The following CDKAL1 variants were observed in gnomAD, a reference collection of about 807,000 sequenced individuals.
CDKAL1 encodes the protein threonylcarbamoyladenosine tRNA methylthiotransferase.
CDKAL1 carries 32 observed loss-of-function variants against 68.2 expected under a neutral mutation model. The observed-to-expected ratio is 0.47, with a 90% CI of 0.35 to 0.63. The LOEUF is 0.63. Among genes scored for constraint, CDKAL1 ranks in the 30% least tolerant of loss-of-function variants. The pLI is 0.00. For synonymous variants in CDKAL1, 234 were observed against 244.3 expected (o/e 0.96, Z 0.39); for missense variants, 606 against 696.7 (o/e 0.87, Z 1.47).
At chr6:20,840,750 G>GT (rs1299942188) in intron 8 of CDKAL1, among the ~76,000 whole-genome samples, 3 of 152,162 alleles carry the variant, frequency 2.0e-5, no homozygotes, top group African/African-American at 7.2e-5. Flanking sequence ...GTTGGTATGA[G>GT]TATCTCCTGT....
intron 12 of CDKAL1, among the ~76,000 whole-genome samples, chr6:21,077,197 A>G (rs908447346): frequency 6.6e-6 from 1 of 152,172 alleles, no homozygotes; most frequent in Non-Finnish European, 1.5e-5. Context: ...TATGTTATCT[A>G]CATTTCCCAT....
At position 20,660,607 on chromosome 6, in the gene CDKAL1, C is replaced by G. The variant is rs560642591; in HGVS notation, c.371+11230C>G. On this transcript the variant is annotated intron_variant, in intron 5 of 15. Transcript: ENST00000274695. Reference sequence around the variant, plus strand: ...TGCTCCTCACTATCCTAAATGAGCTCCGGGCCAGCTTCAGGGCTGTGGCCA... The same window carrying G: ...TGCTCCTCACTATCCTAAATGAGCTGCGGGCCAGCTTCAGGGCTGTGGCCA... Among the ~76,000 whole-genome samples, 10 of 152,250 alleles carry G rather than the reference C, an allele frequency of 6.6e-5. No homozygotes were observed. The South Asian group carries it at 2.1e-3, about 32-fold the overall frequency.
At chr6:20,666,847 A>G (rs1201649821) in intron 5 of CDKAL1, among the ~76,000 whole-genome samples, 3 of 152,066 alleles carry the variant, frequency 2.0e-5, no homozygotes, top group Non-Finnish European at 4.4e-5. Flanking sequence ...TTTAATTAAT[A>G]TTTAGCTCTT....
At chr6:20,614,722 A>G (rs1304745719) in intron 4 of CDKAL1, among the ~76,000 whole-genome samples, 2 of 152,312 alleles carry the variant, frequency 1.3e-5, no homozygotes, top group East Asian at 3.9e-4. Flanking sequence ...TTTGCCTCTT[A>G]GTAGTTCTGC....
At chr6:21,128,188 C>A (rs975619860) in intron 13 of CDKAL1, among the ~76,000 whole-genome samples, 3 of 152,180 alleles carry the variant, frequency 2.0e-5, no homozygotes, top group African/African-American at 7.2e-5. Flanking sequence ...GTACACAATT[C>A]AATAAATTAC....
Position 20,539,332 on chromosome 6 carries a change from G to C in CDKAL1, c.-6+3938G>C, listed in dbSNP as rs1763298450. Among the ~76,000 whole-genome samples, 1 of 152,158 alleles carries C rather than the reference G, an allele frequency of 6.6e-6. No homozygotes were observed. Among genetic ancestry groups the C allele is most frequent in the Non-Finnish European group, 1.5e-5 (1 of 68,030 alleles). Reference sequence around the variant, plus strand: ...GTGCTAGACATAGTTCTAGGCACCTGGGATAAAACAGTGAACACCTCACAC... The same window carrying C: ...GTGCTAGACATAGTTCTAGGCACCTCGGATAAAACAGTGAACACCTCACAC... On this transcript the variant is annotated intron_variant, in intron 2 of 15. Coordinates refer to ENST00000274695, the MANE Select transcript of CDKAL1 (RefSeq NM_017774.3). This position sits in a 1 kb window ranked among gnomAD's most constrained non-coding sequence, Gnocchi z 4.3.
At chr6:20,659,294 TATTTTA>T (rs1241101087) in intron 5 of CDKAL1, among the ~76,000 whole-genome samples, 1 of 152,232 alleles carries the variant, frequency 6.6e-6, no homozygotes, top group Non-Finnish European at 1.5e-5. Flanking sequence ...TAAACTTAGA[TATTTTA>T]ATTTTAACTC....
At chr6:21,065,381 TG>T (rs1215509553) in intron 12 of CDKAL1, among the ~76,000 whole-genome samples, 153 bp downstream of exon 12, 1 of 152,144 alleles carries the variant, frequency 6.6e-6, no homozygotes, top group Non-Finnish European at 1.5e-5. Context: ...CAGGGGGCCG[TG>T]GATGAGTTAA....
intron 9 of CDKAL1, among the ~76,000 whole-genome samples, chr6:20,907,904 G>A (rs1762302085): frequency 6.6e-6 from 1 of 152,188 alleles, no homozygotes; most frequent in Non-Finnish European, 1.5e-5. Flanking sequence ...AGGGTCCACT[G>A]GGGCAGAAGA....
At chr6:20,576,702 A>C (rs1220148136) in intron 4 of CDKAL1, among the ~76,000 whole-genome samples, 1 of 152,088 alleles carries the variant, frequency 6.6e-6, no homozygotes, top group Non-Finnish European at 1.5e-5. Context: ...GCTAGTCCTT[A>C]TCATAGAACC....
At chr6:20,803,316 A>G (rs1776441538) in intron 8 of CDKAL1, among the ~76,000 whole-genome samples, 1 of 152,136 alleles carries the variant, frequency 6.6e-6, no homozygotes, top group East Asian at 1.9e-4. Context: ...CTGTCTCAAC[A>G]TACCATTCTG....
chr6:20,891,879 C>T (rs1422971062), intron 9 of CDKAL1, among the ~76,000 whole-genome samples: 1 of 152,158 alleles, frequency 6.6e-6, no homozygotes, highest in African/African-American at 2.4e-5. Context: ...CTGCTTTTCT[C>T]ATGGTCATCT....
intron 9 of CDKAL1, among the ~76,000 whole-genome samples, chr6:20,881,762 C>G (rs868761627): frequency 1.3e-5 from 2 of 152,050 alleles, no homozygotes; most frequent in Non-Finnish European, 2.9e-5. Flanking sequence ...TGTCTATACT[C>G]TTTGTTTTTA....
At chr6:21,026,985 C>T (rs1768996841) in intron 11 of CDKAL1, among the ~76,000 whole-genome samples, 2 of 152,162 alleles carry the variant, frequency 1.3e-5, no homozygotes, top group Admixed American at 6.6e-5. Flanking sequence ...ATTCTCTAAT[C>T]TTCTGGCTTC....
At chr6:20,648,764 A>G (rs1428805040) in intron 4 of CDKAL1, among the ~76,000 whole-genome samples, 1 of 152,230 alleles carries the variant, frequency 6.6e-6, no homozygotes, top group South Asian at 2.1e-4. Context: ...GGTTTGGATT[A>G]TTTGTTGCAT....
At chr6:21,119,433 G>A (rs1345737236) in intron 13 of CDKAL1, among the ~76,000 whole-genome samples, 3 of 152,186 alleles carry the variant, frequency 2.0e-5, no homozygotes, top group Admixed American at 6.5e-5. Flanking sequence ...TAGAATTTAA[G>A]TAGGGATTTT....
intron 9 of CDKAL1, among the ~76,000 whole-genome samples, chr6:20,943,615 T>C (rs1286498135): frequency 6.6e-6 from 1 of 152,098 alleles, no homozygotes; most frequent in Non-Finnish European, 1.5e-5. Flanking sequence ...CAAGTTCATC[T>C]CTAGAAGTTC....
Position 20,814,406 on chromosome 6 carries a change from C to T in CDKAL1, c.639-31669C>T, listed in dbSNP as rs376114777. ...TATGACTTTTATGCCTCTAGTGATC[C>T]GCTTCTGGGACTATAGGCACTTGCC... On this transcript the variant is annotated intron_variant, in intron 8 of 15. Coordinates refer to ENST00000274695, the MANE Select transcript of CDKAL1 (RefSeq NM_017774.3). Among the ~76,000 whole-genome samples, 77 of 152,160 alleles carry T rather than the reference C, an allele frequency of 5.1e-4. No individual in the cohort carries two copies. In the East Asian group the frequency reaches 0.013, roughly 25 times the overall value.
chr6:20,580,159 T>G (rs890317787), intron 4 of CDKAL1, among the ~76,000 whole-genome samples: 9 of 152,124 alleles, frequency 5.9e-5, no homozygotes, highest in African/African-American at 1.7e-4. Flanking sequence ...CCACATGAGG[T>G]CCTGGTACTC....
Sources: gnomAD v4.1 joint callset for allele counts (sites outside exome capture counted in the v4.1 genomes callset) on GRCh38, gnomAD v4.1.1 for gene constraint, Gnocchi (gnomAD v3.1) non-coding constraint, MANE v1.5 for transcripts, NCBI Gene and HGNC (gene_info 2026-07-23, HGNC 2026-07-21) for gene names.